Variants in MYO7A observed in about 807,000 individuals in gnomAD.
MYO7A encodes myosin VIIA.
A neutral mutation model predicts 263.8 loss-of-function variants in MYO7A; 210 were observed. The ratio of observed to expected loss-of-function variants is 0.80; its 90% confidence interval spans 0.71 to 0.89. The LOEUF (loss-of-function observed/expected upper bound fraction) is 0.89. Ranked by LOEUF, MYO7A falls within the 40% of genes least tolerant of loss-of-function variation. The pLI is 0.00. For missense variants in MYO7A, 2,820 were observed against 2,968.3 expected (o/e 0.95, Z 1.16); for synonymous variants, 1,239 against 1,197.3 (o/e 1.03, Z -0.72).
At chr11:77,204,346 C>T (rs1311962428) in intron 39 of MYO7A, 117 bp downstream of exon 39, 33 of 1,384,538 alleles carry the variant, frequency 2.4e-5, no homozygotes, top group Non-Finnish European at 2.9e-5. Flanking sequence ...TCACACAGAG[C>T]CGGGAGCTGC....
chr11:77,180,353 C>T (rs781901322), intron 21 of MYO7A, 21 bp from the exon 22 acceptor site: 2 of 1,605,364 alleles, frequency 1.2e-6, no homozygotes, highest in South Asian at 2.2e-5. Flanking sequence ...TCCATGCCCT[C>T]TGGATGCCCC....
chr11:77,189,220 C>T, intron 27 of MYO7A, 124 bp from the exon 28 acceptor site: 1 of 1,398,330 alleles, frequency 7.2e-7, no homozygotes, highest in Non-Finnish European at 9.7e-7. Context: ...CTGCCTCCTC[C>T]CGGGTGGTCT....
In MYO7A at chr11:77,146,866, G is replaced by A. The variant is rs548008529; in HGVS notation, c.133-932G>A. 2.6e-5 allele frequency among the ~76,000 whole-genome samples: 4 copies of A among 152,198 alleles called. No homozygotes were observed. The East Asian group carries it at 7.7e-4, about 29-fold the overall frequency. ...GCAAAGGTGCTGGAGACCCTCTGGGGGCGGGGAGGGCCCCAGGGCCCTGAG... is the reference window on the plus strand; with the variant it reads ...GCAAAGGTGCTGGAGACCCTCTGGGAGCGGGGAGGGCCCCAGGGCCCTGAG... On this transcript the variant is annotated intron_variant, in intron 3 of 48. Transcript: ENST00000409709.
At chr11:77,130,964 G>A (rs1272498098) in intron 2 of MYO7A, among the ~76,000 whole-genome samples, 1 of 152,258 alleles carries the variant, frequency 6.6e-6, no homozygotes, top group African/African-American at 2.4e-5. Flanking sequence ...GAAGAGGAGA[G>A]GAGGTTGGCA....
Position 77,179,956 on chromosome 11 carries a change from G to A in MYO7A, c.2586+3G>A, listed in dbSNP as rs1555083020. ...TGCACCAACGCCTCAGGGCTGAGGTGAGGGAGCAAGTCCATAGCACCCACA... is the reference window on the plus strand; with the variant it reads ...TGCACCAACGCCTCAGGGCTGAGGTAAGGGAGCAAGTCCATAGCACCCACA... On this transcript the variant is annotated splice_donor_region_variant and intron_variant, in intron 21 of 48. Transcript: ENST00000409709. The A allele has an allele frequency of 6.6e-7, 1 of 1,519,062 alleles. No homozygotes were observed. The highest frequency in any genetic ancestry group is 2.0e-5 in the Admixed American group (1 of 50,546). The allele number at this position is 1,519,062 out of a possible 1,614,324, so 94.1% of individuals were successfully genotyped here. A position where few individuals can be genotyped will look rare whatever the true frequency, so the allele number is the denominator to read the frequency against.
intron 3 of MYO7A, among the ~76,000 whole-genome samples, chr11:77,143,734 G>A (rs1358765080): frequency 3.3e-5 from 5 of 152,210 alleles, no homozygotes; most frequent in African/African-American, 4.8e-5. Context: ...TGTGCCAGGG[G>A]CTGGGACACA....
At chr11:77,189,970 A>C (rs548128867) in intron 28 of MYO7A, 50 bp from the exon 29 acceptor site, 26 of 1,467,160 alleles carry the variant, frequency 1.8e-5, no homozygotes, top group African/African-American at 2.9e-5. Context: ...TGCCCTCAAA[A>C]TCCACATGGG....
At chr11:77,129,157 C>T (rs527514933) in intron 1 of MYO7A, among the ~76,000 whole-genome samples, 6 of 152,232 alleles carry the variant, frequency 3.9e-5, no homozygotes, top group Non-Finnish European at 7.3e-5. Flanking sequence ...AAAGCACTGG[C>T]TCTGCCCCCA....
rs111033415 is a variant in MYO7A at position 77,162,118 on chromosome 11, A to G, written c.1344-2A>G. 1.3e-6 allele frequency: 2 copies of G among 1,595,422 alleles called. No individual in the cohort carries two copies. Among genetic ancestry groups the G allele is most frequent in the Non-Finnish European group, 1.7e-6 (2 of 1,170,958 alleles). Reference sequence around the variant, plus strand: ...CCTTACCCCATCCCTGTGCCCCTGCAGCTTTGAGCAGCTCTGCATCAACTT... The same window carrying G: ...CCTTACCCCATCCCTGTGCCCCTGCGGCTTTGAGCAGCTCTGCATCAACTT... On this transcript the variant is annotated splice_acceptor_variant, in intron 12 of 48. Coordinates refer to ENST00000409709, the MANE Select transcript of MYO7A (RefSeq NM_000260.4). LOFTEE classifies it high-confidence loss of function.
rs1565301556 is a variant in MYO7A, at chr11:77,138,717, T to A, written c.19-3992T>A. 6.6e-6 allele frequency among the ~76,000 whole-genome samples: 1 copy of A among 152,128 alleles called. No homozygotes were observed. Among genetic ancestry groups the A allele is most frequent in the Non-Finnish European group, 1.5e-5 (1 of 68,022 alleles). On this transcript the variant is annotated intron_variant, in intron 2 of 48. Coordinates refer to ENST00000409709, the MANE Select transcript of MYO7A (RefSeq NM_000260.4). The surrounding 1 kb of genome is among the most constrained non-coding windows in gnomAD (Gnocchi z 4.9). The stretch of plus-strand genomic sequence containing the variant: ...ATCCAGAGCAGGGAGCACCTCCAGG[T>A]GCACAGAGGGACCCCCAGCCATAGT...
At chr11:77,133,854 AGTAC>A (rs1555046699) in intron 2 of MYO7A, among the ~76,000 whole-genome samples, 1 of 152,116 alleles carries the variant, frequency 6.6e-6, no homozygotes, top group African/African-American at 2.4e-5. Flanking sequence ...TTTTTTCTAA[AGTAC>A]TGTTTTGATT....
intron 15 of MYO7A, among the ~76,000 whole-genome samples, chr11:77,170,814 C>T (rs556557931): frequency 3.9e-5 from 6 of 152,098 alleles, no homozygotes; most frequent in South Asian, 2.1e-4. Context: ...ACCAGGCTGA[C>T]GGTGGAGGAA....
Position 77,212,999 on chromosome 11 carries a change from C to T in MYO7A, c.6402C>T (p.Asn2134=), listed in dbSNP as rs1247517150. 2 of 1,593,386 alleles carry T rather than the reference C, an allele frequency of 1.3e-6. No individual in the cohort carries two copies. The highest frequency in any genetic ancestry group is 1.7e-6 in the Non-Finnish European group (2 of 1,169,404). ...NFPEILLIAI[N]KYGVSLIDPK... ...CTGAGATCCTCCTAATTGCCATCAACAAGTATGGGGTCAGCCTCATCGATC... is the reference window on the plus strand; with the variant it reads ...CTGAGATCCTCCTAATTGCCATCAATAAGTATGGGGTCAGCCTCATCGATC... Residue 2134 remains asparagine, a synonymous_variant, in exon 47 of 49, where the codon AAC becomes AAT. Transcript: ENST00000409709.
intron 1 of MYO7A, 107 bp downstream of exon 1, chr11:77,128,596 TG>T (rs1950676174): frequency 6.5e-6 from 1 of 152,810 alleles, no homozygotes; most frequent in Non-Finnish European, 1.5e-5. Flanking sequence ...CACTTGCTCC[TG>T]GGACTGGGCT....
In MYO7A at chr11:77,172,775, A is replaced by G. The variant is rs1555077033; in HGVS notation, c.1825A>G (p.Thr609Ala). 6.4e-7 allele frequency: 1 copy of G among 1,559,670 alleles called. No individual in the cohort carries two copies. The change falls in exon 16 of 49, where the codon ACA (threonine) becomes GCA (alanine). Residue 609 changes from threonine (T) to alanine (A), a missense_variant. Physicochemically the swap from Thr to Ala is moderately conservative, Grantham distance 58. Transcript: ENST00000409709. ...MGAETRKRSP[T>A]LSSQFKRSLE... is the part of the protein sequence containing the mutation. ...CGCCGAGACCAGGAAGCGCTCGCCC[A>G]CACTTAGCAGCCAGTTCAAGCGGTC...
At chr11:77,206,958 C>T (rs1957480338) in intron 41 of MYO7A, 1 of 215,644 alleles carries the variant, frequency 4.6e-6, no homozygotes, top group Non-Finnish European at 9.1e-6. Context: ...TTTGCTTTTC[C>T]TCTACCTCAA....
chr11:77,190,186 G>T, intron 29 of MYO7A, 47 bp downstream of exon 29: 18 of 1,477,646 alleles, frequency 1.2e-5, no homozygotes, highest in Non-Finnish European at 1.6e-5. Context: ...GTGCGCACGT[G>T]TGTAAATGCG....
intron 19 of MYO7A, among the ~76,000 whole-genome samples, chr11:77,177,919 T>C (rs1954779753): frequency 6.6e-6 from 1 of 152,152 alleles, no homozygotes; most frequent in Admixed American, 6.5e-5. Flanking sequence ...GACTCACATG[T>C]GGACCCACTG....
intron 48 of MYO7A, 73 bp downstream of exon 48, chr11:77,214,052 G>T: frequency 6.3e-7 from 1 of 1,598,126 alleles, no homozygotes; most frequent in Non-Finnish European, 8.5e-7. Flanking sequence ...CCAGGGCCTG[G>T]AACAAACACA....
Sources: gnomAD v4.1 joint callset for allele counts (sites outside exome capture counted in the v4.1 genomes callset) on GRCh38, gnomAD v4.1.1 for gene constraint, Gnocchi (gnomAD v3.1) non-coding constraint, MANE v1.5 for transcripts, NCBI Gene and HGNC (gene_info 2026-07-23, HGNC 2026-07-21) for gene names.